FDX1: variants seen among roughly 807,000 people sequenced by gnomAD.
FDX1 encodes the protein adrenodoxin, mitochondrial.
FDX1 carries 9 observed loss-of-function variants against 14.9 expected under a neutral mutation model. That is an observed-to-expected ratio of 0.60 (90% CI 0.36 to 1.05). The LOEUF is 1.05. Ranked by LOEUF, FDX1 falls within the 50% of genes least tolerant of loss-of-function variation. The pLI, the probability that FDX1 is intolerant of heterozygous loss-of-function variation, is 0.01. For missense variants in FDX1, 204 were observed against 237.2 expected, an observed-to-expected ratio of 0.86 and a Z score of 0.92; for synonymous variants, 92 against 99.4, an observed-to-expected ratio of 0.93 and a Z score of 0.44.
At chr11:110,445,275 T>C (rs1027134517) in intron 2 of FDX1, among the ~76,000 whole-genome samples, 3 of 152,204 alleles carry the variant, frequency 2.0e-5, no homozygotes, top group African/African-American at 4.8e-5. Flanking sequence ...AAATAATTTG[T>C]GTGGATTGCT....
rs550408381 is a variant in FDX1, at chr11:110,450,834, A to G, written c.311-6084A>G. On this transcript the variant is annotated intron_variant, in intron 2 of 3. Coordinates refer to ENST00000260270, the MANE Select transcript of FDX1 (RefSeq NM_004109.5). Reference sequence around the variant, plus strand: ...TATATATACATGTACATACATGTATACACATAGACATACACATTTTCCCTG... The same window carrying G: ...TATATATACATGTACATACATGTATGCACATAGACATACACATTTTCCCTG... Among the ~76,000 whole-genome samples the G allele has an allele frequency of 2.5e-3, 379 of 152,314 alleles. 3 individuals are homozygous for G. Among genetic ancestry groups the G allele is most frequent in the African/African-American group, 7.9e-3 (327 of 41,576 alleles).
intron 2 of FDX1, among the ~76,000 whole-genome samples, chr11:110,436,596 G>A (rs987182805): frequency 4.0e-5 from 3 of 75,274 alleles, no homozygotes; most frequent in East Asian, 6.1e-4. Context: ...CCCCACCCCC[G>A]CCCCAGACTT....
intron 2 of FDX1, among the ~76,000 whole-genome samples, chr11:110,441,057 T>G (rs1172755623): frequency 6.6e-6 from 1 of 152,222 alleles, no homozygotes; most frequent in Non-Finnish European, 1.5e-5. Flanking sequence ...AGAGGGAGTT[T>G]CCCTGCACAA....
intron 2 of FDX1, among the ~76,000 whole-genome samples, chr11:110,438,901 T>G (rs982745957): frequency 2.6e-5 from 4 of 152,058 alleles, no homozygotes; most frequent in Non-Finnish European, 5.9e-5. Context: ...GGTGTTTACT[T>G]TGTTTTTTTG....
intron 2 of FDX1, among the ~76,000 whole-genome samples, chr11:110,445,024 A>C (rs1946441599): frequency 6.6e-6 from 1 of 151,586 alleles, no homozygotes; most frequent in Admixed American, 6.6e-5. Flanking sequence ...AATTCTGTGA[A>C]AAATGATGTT....
intron 2 of FDX1, among the ~76,000 whole-genome samples, chr11:110,451,149 C>T (rs990315341): frequency 8.6e-5 from 13 of 151,774 alleles, no homozygotes; most frequent in African/African-American, 3.1e-4. Flanking sequence ...AAAAAGCTCC[C>T]CATTTTGTGA....
intron 2 of FDX1, among the ~76,000 whole-genome samples, chr11:110,439,219 CA>C (rs1946390146): frequency 6.6e-6 from 1 of 151,020 alleles, no homozygotes; most frequent in African/African-American, 2.4e-5. Context: ...CACTTCCCCC[CA>C]ACCCCGAGAC....
At chr11:110,451,341 C>T (rs1946485184) in intron 2 of FDX1, among the ~76,000 whole-genome samples, 1 of 152,196 alleles carries the variant, frequency 6.6e-6, no homozygotes, top group South Asian at 2.1e-4. Context: ...CCTTCTAACT[C>T]TTGTAATTGT....
intron 2 of FDX1, among the ~76,000 whole-genome samples, chr11:110,449,591 G>A (rs1032178278): frequency 8.5e-5 from 13 of 152,064 alleles, no homozygotes; most frequent in South Asian, 6.2e-4. Context: ...ATTATTAACT[G>A]CAGTCACCAT....
At chr11:110,438,892 G>T (rs1199051166) in intron 2 of FDX1, among the ~76,000 whole-genome samples, 2 of 151,846 alleles carry the variant, frequency 1.3e-5, no homozygotes, top group Non-Finnish European at 2.9e-5. Context: ...ATTCTGTAGG[G>T]TGTTTACTTT....
At position 110,430,131 on chromosome 11, in the gene FDX1, C is replaced by G. The variant is rs553811356; in HGVS notation, c.11C>G (p.Ala4Gly). The G allele has an allele frequency of 8.1e-7, 1 of 1,239,850 alleles. No individual in the cohort carries two copies. Among genetic ancestry groups the G allele is most frequent in the African/African-American group, 1.6e-5 (1 of 63,936 alleles). The allele number at this position is 1,239,850 out of a possible 1,614,324, so 76.8% of individuals were successfully genotyped here. A position where few individuals can be genotyped will look rare whatever the true frequency, so the allele number is the denominator to read the frequency against. MAA[A>G]GGARLLRAAS... ...TCCCGACCGCGGGCGATGGCTGCCG[C>G]TGGGGGCGCCCGGCTGCTGCGCGCC... The change falls in exon 1 of 4, where the codon GCT becomes GGT. Residue 4 changes from alanine to glycine, a missense_variant. Transcript: ENST00000260270.
intron 2 of FDX1, among the ~76,000 whole-genome samples, chr11:110,452,800 A>G (rs1202862174): frequency 6.6e-6 from 1 of 152,222 alleles, no homozygotes; most frequent in Non-Finnish European, 1.5e-5. Flanking sequence ...TGAATCTCAA[A>G]GGCATTGTGT....
chr11:110,462,213 T>G, intron 3 of FDX1, 141 bp from the exon 4 acceptor site: 1 of 478,446 alleles, frequency 2.1e-6, no homozygotes, highest in South Asian at 5.0e-5. Context: ...ATATCTGTTT[T>G]GACATAAAGG....
chr11:110,452,136 CAAG>C (rs1475871993), intron 2 of FDX1, among the ~76,000 whole-genome samples: 1 of 151,874 alleles, frequency 6.6e-6, no homozygotes, highest in Non-Finnish European at 1.5e-5. Context: ...AAAGAAAGAA[CAAG>C]AAAAAATCTT....
chr11:110,435,703 A>T (rs777923921), intron 1 of FDX1, 131 bp from the exon 2 acceptor site: 14 of 591,080 alleles, frequency 2.4e-5, no homozygotes, highest in Admixed American at 7.6e-5. Flanking sequence ...AAAATAAAAA[A>T]AATTAGCCAG....
chr11:110,451,147 C>T (rs957491547), intron 2 of FDX1, among the ~76,000 whole-genome samples: 1 of 151,308 alleles, frequency 6.6e-6, no homozygotes, highest in African/African-American at 2.4e-5. Context: ...AAAAAAAGCT[C>T]CCCATTTTGT....
At chr11:110,457,939 G>A (rs1946532767) in intron 3 of FDX1, among the ~76,000 whole-genome samples, 1 of 152,030 alleles carries the variant, frequency 6.6e-6, no homozygotes, top group South Asian at 2.1e-4. Flanking sequence ...ATAACCCTGG[G>A]AAGAGAAACT....
At chr11:110,452,340 C>A (rs1380147404) in intron 2 of FDX1, among the ~76,000 whole-genome samples, 2 of 152,012 alleles carry the variant, frequency 1.3e-5, no homozygotes, top group African/African-American at 4.8e-5. Context: ...AATCACATAT[C>A]CAGTGAAAGG....
chr11:110,436,191 A>G (rs1565379709), intron 2 of FDX1, among the ~76,000 whole-genome samples: 1 of 152,160 alleles, frequency 6.6e-6, no homozygotes, highest in East Asian at 1.9e-4. Flanking sequence ...TGGCCTCATT[A>G]CCTTACTGTT....
Sources: allele counts gnomAD v4.1 joint callset (sites outside exome capture counted in the v4.1 genomes callset), GRCh38; gene constraint gnomAD v4.1.1; transcripts MANE v1.5; gene names NCBI Gene and HGNC (gene_info 2026-07-23, HGNC 2026-07-21).